Variants in ARVCF observed in about 807,000 individuals in gnomAD.
ARVCF encodes splicing regulator ARVCF.
A neutral mutation model predicts 90.9 loss-of-function variants in ARVCF; 66 were observed. That is an observed-to-expected ratio of 0.73 (90% CI 0.60 to 0.89). ARVCF has a LOEUF of 0.89. Ranked by LOEUF, ARVCF falls within the 40% of genes least tolerant of loss-of-function variation. The pLI is 0.00. For synonymous variants in ARVCF, 653 were observed against 603.4 expected (o/e 1.08, Z -1.21); for missense variants, 1,469 against 1,382.3 (o/e 1.06, Z -1.00).
At chr22:19,993,185 G>A (rs992443483) in intron 2 of ARVCF, among the ~76,000 whole-genome samples, 3 of 151,804 alleles carry the variant, frequency 2.0e-5, no homozygotes, top group Non-Finnish European at 4.4e-5. Context: ...TCATGGCCTC[G>A]GCATCTCAGG....
Position 20,003,373 on chromosome 22 carries a change from C to T in ARVCF, c.-19+7082G>A, listed in dbSNP as rs955861088. 1.3e-4 allele frequency among the ~76,000 whole-genome samples: 20 copies of T among 152,126 alleles called. 1 individual carries two copies. The highest frequency in any genetic ancestry group is 4.4e-5 in the Non-Finnish European group (3 of 68,012). On this transcript the variant is annotated intron_variant, in intron 2 of 19. Transcript: ENST00000263207. The stretch of plus-strand genomic sequence containing the variant: ...AATTCATTTTATGAGGTCAGCCTTA[C>T]CCTAATACCAAAGCCAGGAAAAGAC...
At position 19,975,690 on chromosome 22, in the gene ARVCF, G is replaced by C; in HGVS notation, c.1956C>G (p.Ala652=). 1 of 1,613,554 alleles carries C rather than the reference G, an allele frequency of 6.2e-7. No individual in the cohort carries two copies. ...TLDLPKRTEA[A]KGFELLYQPE... is the part of the protein sequence containing the mutation. ...GCTTCATCTCAGCCCACTCACCTTT[G>C]GCGGCCTCAGTTCGCTTGGGCAGGT... Residue 652 remains alanine, a synonymous_variant, in exon 11 of 20, where the codon GCC becomes GCG. Coordinates refer to ENST00000263207, the MANE Select transcript of ARVCF (RefSeq NM_001670.3).
Position 19,999,072 on chromosome 22 carries a change from T to C in ARVCF, c.-18-8260A>G, listed in dbSNP as rs891968309. Among the ~76,000 whole-genome samples the C allele has an allele frequency of 3.9e-5, 6 of 152,134 alleles. No homozygotes were observed. In the South Asian group the frequency reaches 6.2e-4, roughly 16 times the overall value. On this transcript the variant is annotated intron_variant, in intron 2 of 19. Coordinates refer to ENST00000263207, the MANE Select transcript of ARVCF (RefSeq NM_001670.3). ...GTCCCTGGCACAGTGACAGCATGGC[T>C]GTCCCATCCATGCTACAGCCCCACA...
At chr22:19,967,997 T>G (rs186490696), downstream of ARVCF, among the ~76,000 whole-genome samples, 3 of 152,088 alleles carry the variant, frequency 2.0e-5, no homozygotes, top group African/African-American at 4.8e-5. Flanking sequence ...CAGGCACTGG[T>G]GAAGATGGGG....
chr22:19,968,764 C>T (rs891228883), downstream of ARVCF: 1 of 1,597,352 alleles, frequency 6.3e-7, no homozygotes, highest in African/African-American at 1.3e-5. Flanking sequence ...CTCTCGGGCT[C>T]TCTCACCCAG....
chr22:19,990,784 C>A lies in ARVCF; in HGVS notation c.11G>T (p.Cys4Phe). The change falls in exon 3 of 20, where the codon TGC becomes TTC. Residue 4 changes from cysteine (C) to phenylalanine (F), a missense_variant. Coordinates refer to ENST00000263207, the MANE Select transcript of ARVCF (RefSeq NM_001670.3). ...GATGCTGGCGGCCGAGTGCACATTG[C>A]AGTCCTCCATGACCAGAGCGCCCGC... MED[C>F]NVHSAASILA... is the part of the protein sequence containing the mutation. 1 of 1,570,882 alleles carries A rather than the reference C, an allele frequency of 6.4e-7. No homozygotes were observed. The highest frequency in any genetic ancestry group is 1.2e-5 in the South Asian group (1 of 86,274).
At chr22:19,972,086 GCCCCCAC>G (rs1441108500) in intron 17 of ARVCF, 115 bp from the exon 18 acceptor site, 1 of 1,056,256 alleles carries the variant, frequency 9.5e-7, no homozygotes, top group Non-Finnish European at 1.4e-6. Context: ...TTGGGAGACA[GCCCCCAC>G]CCACCCTGTC....
chr22:19,983,999 G>A (rs974919434), intron 3 of ARVCF, among the ~76,000 whole-genome samples: 1 of 152,200 alleles, frequency 6.6e-6, no homozygotes, highest in Non-Finnish European at 1.5e-5. Flanking sequence ...GCAAATGTGT[G>A]TCAGGCCCTG....
At chr22:19,997,916 C>T (rs973382273) in intron 2 of ARVCF, among the ~76,000 whole-genome samples, 7 of 152,248 alleles carry the variant, frequency 4.6e-5, no homozygotes, top group African/African-American at 1.7e-4. Flanking sequence ...CATGCCCTGC[C>T]TTAGGGAGGG....
chr22:19,970,705 A>T lies in ARVCF; in HGVS notation c.*51T>A. 1 of 1,289,246 alleles carries T rather than the reference A, an allele frequency of 7.8e-7. No homozygotes were observed. The highest frequency in any genetic ancestry group is 1.0e-6 in the Non-Finnish European group (1 of 988,808). 79.9% of individuals were successfully genotyped at this position (1,289,246 alleles called of 1,614,324 possible). ...ATCTGCTCAGGGTGGCCCTTCTTCCACGATCCAAGCCCTAAGAACAAGAGG... is the reference window on the plus strand; with the variant it reads ...ATCTGCTCAGGGTGGCCCTTCTTCCTCGATCCAAGCCCTAAGAACAAGAGG... On this transcript the variant is annotated 3_prime_UTR_variant, in exon 20 of 20. Transcript: ENST00000263207.
chr22:20,006,510 C>T (rs1242344320), intron 2 of ARVCF, among the ~76,000 whole-genome samples: 1 of 144,852 alleles, frequency 6.9e-6, no homozygotes, highest in Non-Finnish European at 1.5e-5. Flanking sequence ...ACCCAGGAGG[C>T]GGAGCTTGCA....
intron 2 of ARVCF, among the ~76,000 whole-genome samples, chr22:20,006,188 TG>T (rs1257851533): frequency 3.9e-5 from 6 of 152,202 alleles, no homozygotes; most frequent in African/African-American, 1.4e-4. Context: ...CACAGCAATG[TG>T]AACAAACAAC....
At chr22:19,986,483 C>T (rs1293645539) in intron 3 of ARVCF, among the ~76,000 whole-genome samples, 1 of 152,214 alleles carries the variant, frequency 6.6e-6, no homozygotes, top group African/African-American at 2.4e-5. Flanking sequence ...CCTCCAGCAT[C>T]CATTAGTGGG....
In ARVCF at chr22:19,970,751, G is replaced by C; in HGVS notation, c.*13-8C>G. The C allele has an allele frequency of 7.7e-7, 1 of 1,291,028 alleles. No homozygotes were observed. Among genetic ancestry groups the C allele is most frequent in the Non-Finnish European group, 1.0e-6 (1 of 989,798 alleles). The allele number at this position is 1,291,028 out of a possible 1,614,324, so 80.0% of individuals were successfully genotyped here. ...AGAGGCTGGGCCTGGGCCCTGCAGA[G>C]GGAAAGGGGATGGTGGACGCTGCAG... On this transcript the variant is annotated splice_region_variant and splice_polypyrimidine_tract_variant and intron_variant, in intron 19 of 19. Transcript: ENST00000263207.
chr22:19,986,739 C>A (rs569021093), intron 3 of ARVCF: 44 of 291,956 alleles, frequency 1.5e-4, no homozygotes, highest in Non-Finnish European at 2.3e-4. Flanking sequence ...TGTCCCCAGG[C>A]ACCTGTCCTG....
rs542443691 is a variant in ARVCF, at chr22:19,981,197, G to A, written c.896+14C>T. The A allele has an allele frequency of 3.4e-5, 52 of 1,513,882 alleles. No individual in the cohort carries two copies. Among genetic ancestry groups the A allele is most frequent in the Middle Eastern group, 3.9e-4 (2 of 5,184 alleles). 93.8% of individuals were successfully genotyped at this position (1,513,882 alleles called of 1,614,324 possible). Reference sequence around the variant, plus strand: ...CCCAGAGGAGGTAGCCACAGGGGACGGGGTGCAGCTCACCTGGTATGAAGG... The same window carrying A: ...CCCAGAGGAGGTAGCCACAGGGGACAGGGTGCAGCTCACCTGGTATGAAGG... On this transcript the variant is annotated intron_variant, in intron 5 of 19. Coordinates refer to ENST00000263207, the MANE Select transcript of ARVCF (RefSeq NM_001670.3).
chr22:20,001,129 T>C (rs1944429951), intron 2 of ARVCF, among the ~76,000 whole-genome samples: 1 of 152,048 alleles, frequency 6.6e-6, no homozygotes, highest in African/African-American at 2.4e-5. Context: ...TGGCTCCTGG[T>C]GAAGATCAGC....
At chr22:20,006,110 C>T (rs1469214337) in intron 2 of ARVCF, among the ~76,000 whole-genome samples, 3 of 151,918 alleles carry the variant, frequency 2.0e-5, no homozygotes, top group Non-Finnish European at 2.9e-5. Flanking sequence ...AAGGGGCAAA[C>T]GGGGAGTTTT....
rs925690350 is a variant in ARVCF, at chr22:19,970,839, T to C, written c.*13-96A>G. The C allele has an allele frequency of 6.8e-5, 86 of 1,260,564 alleles. 1 individual carries two copies. The highest frequency in any genetic ancestry group is 2.3e-4 in the South Asian group (18 of 79,214). 78.1% of individuals were successfully genotyped at this position (1,260,564 alleles called of 1,614,324 possible). ...AGGGCAGCCAACTCCACAGGCTACA[T>C]GGATGGAGATGTGGATAGAAGCATC... On this transcript the variant is annotated intron_variant, in intron 19 of 19. Coordinates refer to ENST00000263207, the MANE Select transcript of ARVCF (RefSeq NM_001670.3).
Sources: gnomAD v4.1 joint callset for allele counts (sites outside exome capture counted in the v4.1 genomes callset) on GRCh38, gnomAD v4.1.1 for gene constraint, MANE v1.5 for transcripts, NCBI Gene and HGNC (gene_info 2026-07-23, HGNC 2026-07-21) for gene names.